Variants in FBXW12 observed in about 807,000 individuals in gnomAD.
FBXW12 encodes the protein F-box/WD repeat-containing protein 12.
Under a neutral mutation model 55.3 loss-of-function variants are expected in FBXW12, and 43 were observed. That is an observed-to-expected ratio of 0.78 (90% CI 0.61 to 1.00). The LOEUF (loss-of-function observed/expected upper bound fraction) is 1.00, where lower values mean the gene tolerates loss of function less well. FBXW12 is among the 50% of genes least tolerant of loss of function. FBXW12 has a pLI of 0.00. For synonymous variants in FBXW12, 184 were observed against 203.8 expected (o/e 0.90, Z 0.83); for missense variants, 524 against 560.5 (o/e 0.93, Z 0.66).
chr3:48,385,115 T>G (rs1419942616), intron 10 of FBXW12, among the ~76,000 whole-genome samples: 1 of 152,196 alleles, frequency 6.6e-6, no homozygotes, highest in Non-Finnish European at 1.5e-5. Flanking sequence ...CCAACATCTC[T>G]TCATTCCCCC....
chr3:48,373,232 C>A, intron 2 of FBXW12, 76 bp from the exon 3 acceptor site: 6 of 1,608,460 alleles, frequency 3.7e-6, no homozygotes, highest in Non-Finnish European at 5.1e-6. Flanking sequence ...GCTCCCAGAA[C>A]AAATAATAGC....
At chr3:48,381,436 A>T (rs1009757994) in intron 8 of FBXW12, among the ~76,000 whole-genome samples, 1 of 152,060 alleles carries the variant, frequency 6.6e-6, no homozygotes, top group Non-Finnish European at 1.5e-5. Context: ...GATTTCCATC[A>T]TATTTTAGGG....
chr3:48,379,589 G>A (rs1454631979), intron 7 of FBXW12, 31 bp downstream of exon 7: 1 of 1,601,594 alleles, frequency 6.2e-7, no homozygotes, highest in East Asian at 2.2e-5. Flanking sequence ...TTCAATTTCA[G>A]GATAGGAATG....
intron 10 of FBXW12, 85 bp from the exon 11 acceptor site, chr3:48,394,475 C>T (rs1263026801): frequency 3.9e-6 from 3 of 776,102 alleles, no homozygotes; most frequent in African/African-American, 3.6e-5. Flanking sequence ...GTATTGATAT[C>T]TTAGTCAAGT....
intron 5 of FBXW12, 100 bp downstream of exon 5, chr3:48,375,572 A>G (rs1230099418): frequency 4.3e-6 from 3 of 701,404 alleles, no homozygotes; most frequent in Non-Finnish European, 7.2e-6. Flanking sequence ...CGGAAGTGGT[A>G]ACAAAAACAA....
intron 6 of FBXW12, among the ~76,000 whole-genome samples, chr3:48,379,097 G>C (rs540932000): frequency 1.3e-5 from 2 of 152,282 alleles, no homozygotes; most frequent in Admixed American, 1.3e-4. Flanking sequence ...TTATTGTCCA[G>C]TCCATGAACT....
intron 10 of FBXW12, among the ~76,000 whole-genome samples, chr3:48,387,853 CT>C (rs2106650062): frequency 6.6e-6 from 1 of 152,312 alleles, no homozygotes; most frequent in Non-Finnish European, 1.5e-5. Context: ...GCATGAGTCA[CT>C]GTGCCTGACA....
At position 48,381,735 on chromosome 3, in the gene FBXW12, C is replaced by G. The variant is rs779957366; in HGVS notation, c.1021C>G (p.Leu341Val). 1.9e-6 allele frequency: 3 copies of G among 1,599,034 alleles called. No individual in the cohort carries two copies. The highest frequency in any genetic ancestry group is 2.6e-6 in the Non-Finnish European group (3 of 1,172,124). The change falls in exon 9 of 11, where the codon CTG becomes GTG. Residue 341 changes from leucine to valine, a missense_variant. By Grantham distance (32) the Leu-to-Val change is conservative. Coordinates refer to ENST00000296438, the MANE Select transcript of FBXW12 (RefSeq NM_207102.2). Reference protein sequence around the residue: ...EIASFQVAAHLKCPIWMGASD... With the variant: ...EIASFQVAAHVKCPIWMGASD... ...CGCAAGTTTCCAGGTGGCAGCTCAT[C>G]TGAAGTGCCCTATCTGGATGGGAGC... is the stretch of plus-strand genomic sequence containing the variant.
At chr3:48,393,600 A>G (rs1329941096) in intron 10 of FBXW12, among the ~76,000 whole-genome samples, 1 of 152,044 alleles carries the variant, frequency 6.6e-6, no homozygotes, top group Non-Finnish European at 1.5e-5. Flanking sequence ...GAGCAGGTAT[A>G]CTCAAAAGGG....
intron 4 of FBXW12, 35 bp from the exon 5 acceptor site, chr3:48,375,319 T>C (rs746897026): frequency 8.0e-7 from 1 of 1,253,486 alleles, no homozygotes; most frequent in Non-Finnish European, 1.2e-6. Context: ...ATCCCTTAAC[T>C]ATCTGGTGGC....
At chr3:48,394,151 G>A (rs2036972203) in intron 10 of FBXW12, among the ~76,000 whole-genome samples, 1 of 152,050 alleles carries the variant, frequency 6.6e-6, no homozygotes, top group Non-Finnish European at 1.5e-5. Flanking sequence ...GGGAGGCTAA[G>A]TTGGAAGGAT....
In FBXW12 at chr3:48,372,776, C is replaced by T. The variant is rs750350609; in HGVS notation, c.9C>T (p.Ile3=). 1.2e-6 allele frequency: 2 copies of T among 1,614,224 alleles called. No individual in the cohort carries two copies. The highest frequency in any genetic ancestry group is 1.7e-5 in the Admixed American group (1 of 60,036). ME[I]RLPDLALKRI... ...GGTTCAGGCCGCATGAAATGGAGAT[C>T]CGATTGCCTGACTTAGCTTTGAAGC... is the stretch of plus-strand genomic sequence containing the variant. Residue 3 remains isoleucine (I), a synonymous_variant, in exon 2 of 11, where the codon ATC becomes ATT. Coordinates refer to ENST00000296438, the MANE Select transcript of FBXW12 (RefSeq NM_207102.2).
chr3:48,380,895 G>C lies in FBXW12; in HGVS notation c.968G>C (p.Gly323Ala). Residue 323 changes from glycine (G) to alanine (A), a missense_variant, in exon 8 of 11, where the codon GGC (glycine) becomes GCC (alanine). Transcript: ENST00000296438. Reference sequence around the variant, plus strand: ...GATCTAACAACCAAGAAGACTGGAGGCCAAACAGTCATCCAAGGTAGGCTG... The same window carrying C: ...GATCTAACAACCAAGAAGACTGGAGCCCAAACAGTCATCCAAGGTAGGCTG... ...TFDLTTKKTG[G>A]QTVIQAYEIA... 1.2e-6 allele frequency: 2 copies of C among 1,613,946 alleles called. No individual in the cohort carries two copies. The highest frequency in any genetic ancestry group is 4.5e-5 in the East Asian group (2 of 44,886).
At chr3:48,372,987 T>C in intron 2 of FBXW12, 130 bp downstream of exon 2, 1 of 899,912 alleles carries the variant, frequency 1.1e-6, no homozygotes, top group Non-Finnish European at 1.8e-6. Flanking sequence ...ACTGAGGGCC[T>C]CATATTCTGT....
At chr3:48,383,010 A>G (rs2036799828) in intron 10 of FBXW12, among the ~76,000 whole-genome samples, 1 of 152,260 alleles carries the variant, frequency 6.6e-6, no homozygotes, top group South Asian at 2.1e-4. Context: ...GTGTCCAAAC[A>G]TAAGAGATTG....
chr3:48,373,212 T>G (rs2036628800), intron 2 of FBXW12, 96 bp from the exon 3 acceptor site: 9 of 1,586,272 alleles, frequency 5.7e-6, no homozygotes, highest in Non-Finnish European at 6.9e-6. Flanking sequence ...GATTAACCTG[T>G]GCGGGCCCAG....
intron 10 of FBXW12, among the ~76,000 whole-genome samples, chr3:48,393,779 TTTC>T (rs1475844580): frequency 2.6e-4 from 25 of 94,670 alleles, no homozygotes; most frequent in Admixed American, 2.0e-3. Context: ...ATTTTTTTTC[TTTC>T]TTTTTTTTTT....
chr3:48,392,357 A>G (rs1030125933), intron 10 of FBXW12, among the ~76,000 whole-genome samples: 1 of 147,400 alleles, frequency 6.8e-6, no homozygotes, highest in Non-Finnish European at 1.5e-5. Context: ...AGGCTGAGGC[A>G]GGAGAATGGC....
chr3:48,388,519 G>C lies in FBXW12; in HGVS notation c.1296-6041G>C, dbSNP rs114414084. On this transcript the variant is annotated intron_variant, in intron 10 of 10. Coordinates refer to ENST00000296438, the MANE Select transcript of FBXW12 (RefSeq NM_207102.2). ...TGTGTAATGTCTCTCCTTGTCCCTG[G>C]TAATCTTCTTTGCCCTGAGGTCTAC... Among the ~76,000 whole-genome samples the C allele has an allele frequency of 1.0e-2, 1,519 of 152,166 alleles. 19 individuals are homozygous for C. Among genetic ancestry groups the C allele is most frequent in the African/African-American group, 0.035 (1,444 of 41,520 alleles).
Sources: gnomAD v4.1 joint callset for allele counts (sites outside exome capture counted in the v4.1 genomes callset) on GRCh38, gnomAD v4.1.1 for gene constraint, MANE v1.5 for transcripts, NCBI Gene and HGNC (gene_info 2026-07-23, HGNC 2026-07-21) for gene names.